Variants in UGT1A7 observed in about 807,000 individuals in gnomAD.
The protein encoded by UGT1A7 is UDP-glucuronosyltransferase 1A7.
Under a neutral mutation model 45.6 loss-of-function variants are expected in UGT1A7, and 33 were observed. That is an observed-to-expected ratio of 0.72 (90% CI 0.55 to 0.97). The LOEUF is 0.97. UGT1A7 is among the 50% of genes least tolerant of loss of function. UGT1A7 has a pLI of 0.00. For synonymous variants in UGT1A7, 274 were observed against 250.6 expected, an observed-to-expected ratio of 1.09 and a Z score of -0.88; for missense variants, 684 against 666.2, an observed-to-expected ratio of 1.03 and a Z score of -0.29.
At chr2:233,712,764 G>T (rs1312823466) in intron 1 of UGT1A7, among the ~76,000 whole-genome samples, 1 of 152,224 alleles carries the variant, frequency 6.6e-6, no homozygotes, top group Non-Finnish European at 1.5e-5. Flanking sequence ...CGAGCGCAAG[G>T]TCAGATGAGT....
intron 1 of UGT1A7, chr2:233,747,078 AG>A: frequency 1.8e-6 from 2 of 1,085,946 alleles, no homozygotes; most frequent in Non-Finnish European, 2.6e-6. Context: ...ATAATTAACT[AG>A]GAGGAGAGCA....
At position 233,758,069 on chromosome 2, in the gene UGT1A7, G is replaced by A. The variant is rs148016926; in HGVS notation, c.856-8965G>A. Among the ~76,000 whole-genome samples, 50 of 152,242 alleles carry A rather than the reference G, an allele frequency of 3.3e-4. No individual in the cohort carries two copies. In the East Asian group the frequency reaches 8.9e-3, roughly 27 times the overall value. ...AGGACCATTTCTAACTTGACTTTCT[G>A]GGCCTAGTTCCTAGCATAGTGACTG... On this transcript the variant is annotated intron_variant, in intron 1 of 4. Transcript: ENST00000373426.
At chr2:233,740,584 T>G (rs1401941870) in intron 1 of UGT1A7, 1 of 151,838 alleles carries the variant, frequency 6.6e-6, no homozygotes, top group Non-Finnish European at 1.5e-5. Flanking sequence ...GGGACCCTAA[T>G]GAAATGGTTA....
chr2:233,711,499 C>A (rs1243833483), intron 1 of UGT1A7, among the ~76,000 whole-genome samples: 1 of 152,112 alleles, frequency 6.6e-6, no homozygotes, highest in Admixed American at 6.5e-5. Flanking sequence ...GCTGAGAATC[C>A]CTTTCTAGCG....
intron 1 of UGT1A7, chr2:233,743,549 A>C: frequency 2.2e-6 from 3 of 1,367,168 alleles, no homozygotes; most frequent in Non-Finnish European, 2.9e-6. Flanking sequence ...TGACCCCCCC[A>C]AAATATTCTC....
chr2:233,741,097 A>C (rs1691564364), intron 1 of UGT1A7, among the ~76,000 whole-genome samples: 1 of 151,840 alleles, frequency 6.6e-6, no homozygotes, highest in South Asian at 2.1e-4. Flanking sequence ...ACAAGCAAAC[A>C]GACAATCAAG....
intron 1 of UGT1A7, among the ~76,000 whole-genome samples, chr2:233,737,451 G>T (rs1349834753): frequency 6.6e-6 from 1 of 152,156 alleles, no homozygotes. Context: ...GTTTTTCCAG[G>T]TACAGTCTGT....
At chr2:233,737,783 T>C (rs2125810890) in intron 1 of UGT1A7, among the ~76,000 whole-genome samples, 1 of 152,286 alleles carries the variant, frequency 6.6e-6, no homozygotes, top group Non-Finnish European at 1.5e-5. Context: ...GTTAACTACA[T>C]TGGCTCAAAT....
At chr2:233,759,674 A>G (rs1462532515) in intron 1 of UGT1A7, among the ~76,000 whole-genome samples, 1 of 125,012 alleles carries the variant, frequency 8.0e-6, no homozygotes, top group Admixed American at 1.1e-4. Flanking sequence ...TCATGTGTTT[A>G]AATTGTGAGT....
chr2:233,742,736 T>C (rs1017364884), intron 1 of UGT1A7: 1 of 152,920 alleles, frequency 6.5e-6, no homozygotes, highest in Non-Finnish European at 1.5e-5. Context: ...GATTCAAATG[T>C]CTGACCTCCA....
chr2:233,743,464 C>T lies in UGT1A7; in HGVS notation c.856-23570C>T, dbSNP rs542057655. 5.5e-4 allele frequency: 753 copies of T among 1,366,482 alleles called. 6 individuals carry two copies. In the Admixed American group the frequency reaches 0.012, roughly 23 times the overall value. The allele number at this position is 1,366,482 out of a possible 1,614,324, so 84.6% of individuals were successfully genotyped here. On this transcript the variant is annotated intron_variant, in intron 1 of 4. Coordinates refer to ENST00000373426, the MANE Select transcript of UGT1A7 (RefSeq NM_019077.3). Reference sequence around the variant, plus strand: ...TGTATCAAAAGAAGAAAAAACACCCCCAAAAGCTGGAAATTCACTGAAGGC... The same window carrying T: ...TGTATCAAAAGAAGAAAAAACACCCTCAAAAGCTGGAAATTCACTGAAGGC...
At chr2:233,764,278 T>C (rs1698524796) in intron 1 of UGT1A7, among the ~76,000 whole-genome samples, 1 of 152,134 alleles carries the variant, frequency 6.6e-6, no homozygotes, top group Admixed American at 6.5e-5. Flanking sequence ...CTTTGGTCAT[T>C]CCGGTAACTG....
At chr2:233,700,561 A>G (rs968515143) in intron 1 of UGT1A7, among the ~76,000 whole-genome samples, 3 of 152,202 alleles carry the variant, frequency 2.0e-5, no homozygotes, top group African/African-American at 7.2e-5. Context: ...TTATAAAAAT[A>G]TAACTTTATT....
intron 1 of UGT1A7, among the ~76,000 whole-genome samples, chr2:233,744,630 C>T (rs1387499679): frequency 6.6e-6 from 1 of 151,854 alleles, no homozygotes. Context: ...GAGGTGGATT[C>T]TCATGTCAGC....
At chr2:233,684,894 G>A (rs2074708739) in intron 1 of UGT1A7, among the ~76,000 whole-genome samples, 2 of 152,122 alleles carry the variant, frequency 1.3e-5, no homozygotes, top group South Asian at 2.1e-4. Flanking sequence ...TCTTGGAAAA[G>A]TATACAGTTT....
chr2:233,756,601 A>G (rs1696268124), intron 1 of UGT1A7, among the ~76,000 whole-genome samples: 1 of 152,212 alleles, frequency 6.6e-6, no homozygotes, highest in Admixed American at 6.5e-5. Context: ...TACTGTATCG[A>G]AACCATTAAG....
At chr2:233,761,216 A>T in intron 1 of UGT1A7, 2 of 1,613,736 alleles carry the variant, frequency 1.2e-6, no homozygotes, top group Non-Finnish European at 1.7e-6. Flanking sequence ...TGGATCGATT[A>T]ACTAGCCCCA....
chr2:233,719,683 C>T, intron 1 of UGT1A7: 1 of 1,614,076 alleles, frequency 6.2e-7, no homozygotes, highest in South Asian at 1.1e-5. Context: ...AAGCCACTAT[C>T]TCAGGTCTGT....
intron 1 of UGT1A7, among the ~76,000 whole-genome samples, chr2:233,762,456 GATA>G (rs1312099964): frequency 6.6e-6 from 1 of 152,130 alleles, no homozygotes; most frequent in African/African-American, 2.4e-5. Flanking sequence ...CCCACTTACC[GATA>G]ATGTCATGGA....
Sources: gnomAD v4.1 joint callset for allele counts (sites outside exome capture counted in the v4.1 genomes callset) on GRCh38, gnomAD v4.1.1 for gene constraint, MANE v1.5 for transcripts, NCBI Gene and HGNC (gene_info 2026-07-23, HGNC 2026-07-21) for gene names.